The following ZNF423 variants were observed in gnomAD, a reference collection of about 807,000 sequenced individuals.
The protein encoded by ZNF423 is zinc finger protein 423, also known as Ebf-associated zinc finger protein.
Under a neutral mutation model 95.8 loss-of-function variants are expected in ZNF423, and 12 were observed. That is an observed-to-expected ratio of 0.13 (90% CI 0.08 to 0.20). The LOEUF is 0.20. Ranked by LOEUF, ZNF423 falls within the 10% of genes least tolerant of loss-of-function variation. The pLI is 1.00. For missense variants in ZNF423, 1,316 were observed against 1,737.1 expected (o/e 0.76, Z 4.31); for synonymous variants, 749 against 711.9 (o/e 1.05, Z -0.83).
At chr16:49,821,192 C>T (rs888195689) in intron 1 of ZNF423, among the ~76,000 whole-genome samples, 4 of 140,024 alleles carry the variant, frequency 2.9e-5, no homozygotes, top group Non-Finnish European at 4.6e-5. Context: ...AAAAACTGAA[C>T]GGGTTTAAAA....
In ZNF423 at chr16:49,638,129, G is replaced by A. The variant is rs1341715207; in HGVS notation, c.1047C>T (p.His349=). Residue 349 remains histidine, a synonymous_variant, in exon 4 of 8, where the codon CAC becomes CAT. Coordinates refer to ENST00000563137, the MANE Select transcript of ZNF423 (RefSeq NM_001379286.1). The surrounding 1 kb of genome is among the most constrained non-coding windows in gnomAD (Gnocchi z 5.6). ...AGTCGGGCTGCCGGTGGCTGTCCAG[G>A]TGGCAGTAGACACCTTCCACTGAGG... ...QFSSVEGVYC[H]LDSHRQPDSS... 1.2e-6 allele frequency: 2 copies of A among 1,612,612 alleles called. No homozygotes were observed. Among genetic ancestry groups the A allele is most frequent in the South Asian group, 1.1e-5 (1 of 91,068 alleles).
At chr16:49,843,305 G>A (rs543761825) in intron 1 of ZNF423, among the ~76,000 whole-genome samples, 7 of 152,258 alleles carry the variant, frequency 4.6e-5, no homozygotes, top group East Asian at 1.9e-4. Context: ...CTGGTGCAAC[G>A]ATTCTGTAGA....
chr16:49,738,928 G>C (rs912644792), intron 2 of ZNF423, among the ~76,000 whole-genome samples: 4 of 152,060 alleles, frequency 2.6e-5, no homozygotes, highest in African/African-American at 9.7e-5. Context: ...CTGGGGTAGA[G>C]GAGTGCAGTG....
intron 4 of ZNF423, among the ~76,000 whole-genome samples, chr16:49,634,677 T>C (rs746956625): frequency 6.6e-6 from 1 of 152,136 alleles, no homozygotes. Flanking sequence ...GAGGGAAATA[T>C]ACTCCTGAGA....
At chr16:49,835,034 G>A (rs1452746197) in intron 1 of ZNF423, among the ~76,000 whole-genome samples, 1 of 152,054 alleles carries the variant, frequency 6.6e-6, no homozygotes, top group South Asian at 2.1e-4. Flanking sequence ...GCCTTGGGGG[G>A]AGTCTCAGAA....
At chr16:49,650,055 G>A (rs1199816977) in intron 3 of ZNF423, among the ~76,000 whole-genome samples, 1 of 152,218 alleles carries the variant, frequency 6.6e-6, no homozygotes, top group Admixed American at 6.5e-5. Context: ...AAGACTCAGA[G>A]GTCACTGGAC....
intron 3 of ZNF423, among the ~76,000 whole-genome samples, chr16:49,699,233 A>C (rs1376571840): frequency 6.6e-6 from 1 of 152,198 alleles, no homozygotes; most frequent in Non-Finnish European, 1.5e-5. Flanking sequence ...AGAAATTGCC[A>C]GCGGCTGGCC....
At chr16:49,648,581 G>A (rs1973268482) in intron 3 of ZNF423, among the ~76,000 whole-genome samples, 1 of 152,056 alleles carries the variant, frequency 6.6e-6, no homozygotes, top group African/African-American at 2.4e-5. Flanking sequence ...GAACCCAGAA[G>A]GTGGAGGTTG....
At chr16:49,507,975 C>A (rs1235595036) in intron 7 of ZNF423, among the ~76,000 whole-genome samples, 1 of 152,162 alleles carries the variant, frequency 6.6e-6, no homozygotes, top group Non-Finnish European at 1.5e-5. Context: ...ATAGAAAAAT[C>A]AATAAATCCA....
chr16:49,710,972 G>A (rs1215981099), intron 3 of ZNF423, among the ~76,000 whole-genome samples: 8 of 152,238 alleles, frequency 5.3e-5, no homozygotes, highest in Middle Eastern at 3.4e-3. Context: ...AGAAGCTGCC[G>A]GGTAGGCAGG....
At chr16:49,796,686 G>C (rs372876951) in intron 1 of ZNF423, among the ~76,000 whole-genome samples, 1 of 152,192 alleles carries the variant, frequency 6.6e-6, no homozygotes, top group African/African-American at 2.4e-5. Flanking sequence ...AGGGTCAGAG[G>C]AGGCCTCTAG....
At chr16:49,835,623 C>T (rs938898045) in intron 1 of ZNF423, among the ~76,000 whole-genome samples, 66 of 152,320 alleles carry the variant, frequency 4.3e-4, no homozygotes, top group Middle Eastern at 6.8e-3. Context: ...AGCTTCTCTC[C>T]CAGCTCCCCC....
chr16:49,806,490 T>G (rs999083456), intron 1 of ZNF423, among the ~76,000 whole-genome samples: 1 of 152,274 alleles, frequency 6.6e-6, no homozygotes, highest in Non-Finnish European at 1.5e-5. Context: ...AATGTTTTTT[T>G]ACAACCCCTT....
chr16:49,696,705 G>A (rs2031986660), intron 3 of ZNF423, among the ~76,000 whole-genome samples: 1 of 151,488 alleles, frequency 6.6e-6, no homozygotes, highest in Admixed American at 6.6e-5. Flanking sequence ...TGTTGCCAGA[G>A]TCCTGGCGGG....
intron 5 of ZNF423, among the ~76,000 whole-genome samples, chr16:49,593,269 CA>C (rs947018121): frequency 1.3e-4 from 20 of 151,806 alleles, no homozygotes; most frequent in African/African-American, 3.9e-4. Context: ...CCTGTCTCTA[CA>C]AAAAAAATTT....
At chr16:49,772,373 C>T (rs777398089) in intron 2 of ZNF423, among the ~76,000 whole-genome samples, 16 of 152,256 alleles carry the variant, frequency 1.1e-4, no homozygotes, top group Non-Finnish European at 2.2e-4. Flanking sequence ...ATGCTCATCT[C>T]TTCCCGAAAT....
intron 1 of ZNF423, among the ~76,000 whole-genome samples, chr16:49,798,039 A>G (rs1051636205): frequency 1.3e-5 from 2 of 152,194 alleles, no homozygotes; most frequent in Non-Finnish European, 2.9e-5. Flanking sequence ...GCAAGATACT[A>G]TCTCCATAAA....
chr16:49,802,626 C>T (rs767685208), intron 1 of ZNF423, among the ~76,000 whole-genome samples: 10 of 152,182 alleles, frequency 6.6e-5, no homozygotes, highest in Non-Finnish European at 7.3e-5. Context: ...CAGCCTAGGA[C>T]GCTGCAGAGA....
At chr16:49,721,431 A>G (rs1157743744) in intron 3 of ZNF423, among the ~76,000 whole-genome samples, 1 of 152,174 alleles carries the variant, frequency 6.6e-6, no homozygotes, top group Non-Finnish European at 1.5e-5. Context: ...GGACAACAGC[A>G]GGCTGGACCC....
Sources: allele counts gnomAD v4.1 joint callset (sites outside exome capture counted in the v4.1 genomes callset), GRCh38; gene constraint gnomAD v4.1.1; non-coding constraint Gnocchi (gnomAD v3.1); transcripts MANE v1.5; gene names NCBI Gene and HGNC (gene_info 2026-07-23, HGNC 2026-07-21).